The following TMEM178B variants were observed in gnomAD, a reference collection of about 807,000 sequenced individuals.
TMEM178B encodes transmembrane protein 178B.
TMEM178B carries 5 observed loss-of-function variants against 31.0 expected under a neutral mutation model. That is an observed-to-expected ratio of 0.16 (90% CI 0.08 to 0.34). The LOEUF is 0.34. TMEM178B is among the 10% of genes least tolerant of loss of function. The pLI is 1.00. For synonymous variants in TMEM178B, 164 were observed against 164.0 expected, an observed-to-expected ratio of 1.00 and a Z score of 0.00; for missense variants, 275 against 400.3, an observed-to-expected ratio of 0.69 and a Z score of 2.67.
chr7:141,103,722 A>G (rs953684587), intron 1 of TMEM178B, among the ~76,000 whole-genome samples: 46 of 152,208 alleles, frequency 3.0e-4, no homozygotes, highest in African/African-American at 1.1e-3. Flanking sequence ...GAATTTGTAC[A>G]ATAATGAGAT....
chr7:141,220,359 T>A (rs181295480), intron 2 of TMEM178B, among the ~76,000 whole-genome samples: 52 of 107,710 alleles, frequency 4.8e-4, no homozygotes, highest in South Asian at 1.0e-3. Context: ...ATAATAATAA[T>A]AAAATAATAA....
chr7:141,466,392 C>T (rs924630644), intron 3 of TMEM178B, among the ~76,000 whole-genome samples: 4 of 152,184 alleles, frequency 2.6e-5, no homozygotes, highest in African/African-American at 4.8e-5. Context: ...GGACCTTATC[C>T]CTTCACTCCC....
At chr7:141,393,780 T>A (rs1368834026) in intron 2 of TMEM178B, among the ~76,000 whole-genome samples, 1 of 152,188 alleles carries the variant, frequency 6.6e-6, no homozygotes, top group African/African-American at 2.4e-5. Flanking sequence ...GGAGCCGTGT[T>A]TGGGGCATGG....
chr7:141,317,154 CAAG>C (rs780806903), intron 2 of TMEM178B, among the ~76,000 whole-genome samples: 145 of 152,158 alleles, frequency 9.5e-4, no homozygotes, highest in Non-Finnish European at 5.4e-4. Context: ...CATACAGAAG[CAAG>C]AAGAAGCTCC....
chr7:141,340,755 G>A (rs182165516), intron 2 of TMEM178B, among the ~76,000 whole-genome samples: 202 of 152,300 alleles, frequency 1.3e-3, no homozygotes, highest in Non-Finnish European at 2.4e-3. Context: ...GTACCTGATC[G>A]TTTGGTGGGT....
At chr7:141,456,736 C>T (rs1386567926) in intron 3 of TMEM178B, among the ~76,000 whole-genome samples, 4 of 152,306 alleles carry the variant, frequency 2.6e-5, no homozygotes, top group Non-Finnish European at 5.9e-5. Context: ...GTTTGCTCCA[C>T]GGACCATTGT....
At chr7:141,439,625 TTCTC>T (rs1475686488) in intron 3 of TMEM178B, among the ~76,000 whole-genome samples, 1 of 152,200 alleles carries the variant, frequency 6.6e-6, no homozygotes, top group Non-Finnish European at 1.5e-5. Flanking sequence ...GTAGTGAGTG[TTCTC>T]TCTAAGACTC....
intron 2 of TMEM178B, among the ~76,000 whole-genome samples, chr7:141,218,124 T>G (rs1217914314): frequency 6.6e-6 from 1 of 151,904 alleles, no homozygotes; most frequent in Non-Finnish European, 1.5e-5. Flanking sequence ...ATCGGCCCTG[T>G]GGCTGTTGCC....
At chr7:141,429,739 T>G (rs1207560651) in intron 2 of TMEM178B, 1 of 152,230 alleles carries the variant, frequency 6.6e-6, no homozygotes, top group Non-Finnish European at 1.5e-5. Flanking sequence ...GTTCATTTGT[T>G]GATGAGCTAG....
At chr7:141,271,543 G>T (rs1798183601) in intron 2 of TMEM178B, among the ~76,000 whole-genome samples, 1 of 152,124 alleles carries the variant, frequency 6.6e-6, no homozygotes, top group Admixed American at 6.5e-5. Flanking sequence ...CCCTTTTCCT[G>T]AATCACTCCC....
At chr7:141,287,246 T>C (rs1252533265) in intron 2 of TMEM178B, among the ~76,000 whole-genome samples, 2 of 152,134 alleles carry the variant, frequency 1.3e-5, no homozygotes, top group African/African-American at 2.4e-5. Context: ...AAATTAGTGG[T>C]TCATCTTCAG....
chr7:141,503,626 G>A, the TMEM178B span, among the ~76,000 whole-genome samples: 1 of 152,162 alleles, frequency 6.6e-6, no homozygotes. Context: ...AAGAAAAGGA[G>A]CCATGAAAAA....
intron 1 of TMEM178B, among the ~76,000 whole-genome samples, chr7:141,096,935 A>T (rs1171838715): frequency 6.6e-6 from 1 of 152,058 alleles, no homozygotes; most frequent in Non-Finnish European, 1.5e-5. Flanking sequence ...AAAAAATTTT[A>T]AAAAGTTAAC....
chr7:141,275,561 A>G (rs1798252466), intron 2 of TMEM178B, among the ~76,000 whole-genome samples: 1 of 152,184 alleles, frequency 6.6e-6, no homozygotes, highest in African/African-American at 2.4e-5. Context: ...TTCAGCATCC[A>G]GAGGGGGTGC....
intron 1 of TMEM178B, among the ~76,000 whole-genome samples, chr7:141,177,842 C>T (rs777935540): frequency 1.2e-4 from 18 of 152,144 alleles, no homozygotes; most frequent in Admixed American, 3.3e-4. Context: ...TGTCTTTGCA[C>T]ATGAGATGGA....
rs914086668 is a variant in TMEM178B, at chr7:141,285,327, AT to A, written c.496+72635del. On this transcript the variant is annotated intron_variant, in intron 2 of 3. Transcript: ENST00000565468. ...CACCACATCCTGCTAATTTTTTTGT[AT>A]TTTTTTTTTTTAGTGGAGACAGGGT... Among the ~76,000 whole-genome samples, 973 of 137,232 alleles carry A rather than the reference AT, an allele frequency of 7.1e-3. 9 individuals carry two copies. Among genetic ancestry groups the A allele is most frequent in the African/African-American group, 0.017 (638 of 37,532 alleles). 90.0% of individuals were successfully genotyped at this position (137,232 alleles called of 152,430 possible).
chr7:141,096,758 A>C (rs1279070131), intron 1 of TMEM178B, among the ~76,000 whole-genome samples: 1 of 152,170 alleles, frequency 6.6e-6, no homozygotes, highest in East Asian at 1.9e-4. Context: ...AATCAAACCC[A>C]AAAGGGGATC....
intron 2 of TMEM178B, among the ~76,000 whole-genome samples, chr7:141,390,772 C>T (rs970035689): frequency 3.9e-5 from 6 of 152,182 alleles, no homozygotes; most frequent in African/African-American, 1.4e-4. Flanking sequence ...TGCATATTTT[C>T]TTGAAAGAAA....
intron 2 of TMEM178B, among the ~76,000 whole-genome samples, chr7:141,323,038 T>C (rs1799128478): frequency 6.6e-6 from 1 of 152,238 alleles, no homozygotes; most frequent in Non-Finnish European, 1.5e-5. Context: ...TTTGGAATTC[T>C]GAAGTGCCAG....
Sources: gnomAD v4.1 joint callset for allele counts (sites outside exome capture counted in the v4.1 genomes callset) on GRCh38, gnomAD v4.1.1 for gene constraint, MANE v1.5 for transcripts, NCBI Gene and HGNC (gene_info 2026-07-23, HGNC 2026-07-21) for gene names.